Variants in PRDM5 observed in about 807,000 individuals in gnomAD.
PRDM5 encodes the protein PR/SET domain 5.
PRDM5 carries 56 observed loss-of-function variants against 81.2 expected under a neutral mutation model. That is an observed-to-expected ratio of 0.69 (90% CI 0.56 to 0.86). The LOEUF is 0.86. Ranked by LOEUF, PRDM5 falls within the 40% of genes least tolerant of loss-of-function variation. PRDM5 has a pLI of 0.00. For synonymous variants in PRDM5, 267 were observed against 256.4 expected (o/e 1.04, Z -0.39); for missense variants, 697 against 770.1 (o/e 0.91, Z 1.12).
rs78289507 is a variant in PRDM5, at chr4:120,825,207, T to C, written c.301-3862A>G. Among the ~76,000 whole-genome samples, 69 of 152,300 alleles carry C rather than the reference T, an allele frequency of 4.5e-4. 5 individuals are homozygous for C. In the East Asian group the frequency reaches 0.013, roughly 29 times the overall value. On this transcript the variant is annotated intron_variant, in intron 3 of 15. Transcript: ENST00000264808. ...AAATAGTAGTGCCTATCTCATAGGA[T>C]GGCTGTGAAGATTAAAGATGGTAAT...
At chr4:120,841,075 T>C (rs1486678478) in intron 3 of PRDM5, among the ~76,000 whole-genome samples, 3 of 152,190 alleles carry the variant, frequency 2.0e-5, no homozygotes, top group Non-Finnish European at 4.4e-5. Flanking sequence ...TACCTATCCT[T>C]GTGTTTTTTA....
intron 14 of PRDM5, among the ~76,000 whole-genome samples, chr4:120,752,744 C>T (rs1234835989): frequency 6.6e-6 from 1 of 152,126 alleles, no homozygotes; most frequent in Non-Finnish European, 1.5e-5. Context: ...AGGTTCAAAT[C>T]TCAACTCTGC....
At chr4:120,704,139 C>T (rs1735777239) in intron 15 of PRDM5, among the ~76,000 whole-genome samples, 1 of 152,134 alleles carries the variant, frequency 6.6e-6, no homozygotes, top group Non-Finnish European at 1.5e-5. Flanking sequence ...AAGCTCCACA[C>T]TAGGGATGAG....
In PRDM5 at chr4:120,793,427, G is replaced by A. The variant is rs191703831; in HGVS notation, c.1188+4840C>T. Among the ~76,000 whole-genome samples the A allele has an allele frequency of 2.3e-3, 357 of 152,234 alleles. 2 individuals carry two copies. Among genetic ancestry groups the A allele is most frequent in the Admixed American group, 4.6e-3 (70 of 15,286 alleles). ...TATATTTTACAATGTAATAATAATA[G>A]AAATAAAGTGCATAATAAATATGAT... is the stretch of plus-strand genomic sequence containing the variant. On this transcript the variant is annotated intron_variant, in intron 10 of 15. Coordinates refer to ENST00000264808, the MANE Select transcript of PRDM5 (RefSeq NM_018699.4).
intron 11 of PRDM5, among the ~76,000 whole-genome samples, chr4:120,781,678 C>T (rs184791938): frequency 3.3e-5 from 5 of 152,236 alleles, no homozygotes; most frequent in Admixed American, 3.3e-4. Context: ...GGGCCCCTCC[C>T]AAAGTTCCCT....
chr4:120,768,609 C>T (rs1746755098), intron 13 of PRDM5, among the ~76,000 whole-genome samples: 1 of 152,170 alleles, frequency 6.6e-6, no homozygotes, highest in Non-Finnish European at 1.5e-5. Context: ...ATTTGCTACA[C>T]AACTGCAAAA....
chr4:120,892,694 G>T (rs894663849), intron 2 of PRDM5, among the ~76,000 whole-genome samples: 3 of 151,474 alleles, frequency 2.0e-5, no homozygotes, highest in Non-Finnish European at 2.9e-5. Flanking sequence ...GAGAGGTGGA[G>T]GAGGGTGAAG....
chr4:120,902,590 A>T (rs1056167295), intron 2 of PRDM5, among the ~76,000 whole-genome samples: 2 of 152,244 alleles, frequency 1.3e-5, no homozygotes, highest in Non-Finnish European at 2.9e-5. Context: ...AAGCATTTAC[A>T]GTCAAACACT....
Position 120,781,288 on chromosome 4 carries a change from T to C in PRDM5, c.1298A>G (p.Lys433Arg), listed in dbSNP as rs763891674. ...LLIHNSERTF[K>R]CHHCDATFKR... ...AAAGGTAGCATCGCAGTGATGGCACTTGAAAGTCCTCTCACCTTAGAAACA... is the reference window on the plus strand; with the variant it reads ...AAAGGTAGCATCGCAGTGATGGCACCTGAAAGTCCTCTCACCTTAGAAACA... The change falls in exon 12 of 16, where the codon AAG becomes AGG. Residue 433 changes from lysine to arginine, a missense_variant. Around this residue, in one of 3 missense-constraint regions of PRDM5, gnomAD observed 577 missense variants for 606.7 expected, o/e 0.95. Coordinates refer to ENST00000264808, the MANE Select transcript of PRDM5 (RefSeq NM_018699.4). 3 of 1,613,034 alleles carry C rather than the reference T, an allele frequency of 1.9e-6. No individual in the cohort carries two copies. In the East Asian group the frequency reaches 6.7e-5, roughly 36 times the overall value.
At chr4:120,911,546 T>C (rs1766510428) in intron 1 of PRDM5, among the ~76,000 whole-genome samples, 1 of 152,230 alleles carries the variant, frequency 6.6e-6, no homozygotes, top group Admixed American at 6.5e-5. Flanking sequence ...AAAAACTGTA[T>C]GATTGCAAAA....
intron 2 of PRDM5, among the ~76,000 whole-genome samples, chr4:120,863,482 T>G (rs903045569): frequency 1.3e-5 from 2 of 152,130 alleles, no homozygotes; most frequent in Non-Finnish European, 2.9e-5. Context: ...TAGTTCCATG[T>G]GCTGAAAATG....
chr4:120,813,245 C>A (rs952277640), intron 7 of PRDM5, among the ~76,000 whole-genome samples: 4 of 152,040 alleles, frequency 2.6e-5, no homozygotes, highest in African/African-American at 9.7e-5. Context: ...ATATCAAATG[C>A]ACCACAATGA....
chr4:120,743,418 C>T (rs1742419154), intron 14 of PRDM5, among the ~76,000 whole-genome samples: 1 of 149,874 alleles, frequency 6.7e-6, no homozygotes, highest in African/African-American at 2.5e-5. Context: ...GGATCAAATT[C>T]ACACATAACA....
chr4:120,859,699 G>A (rs192295675), intron 2 of PRDM5, among the ~76,000 whole-genome samples: 446 of 152,240 alleles, frequency 2.9e-3, no homozygotes, highest in Non-Finnish European at 4.8e-3. Flanking sequence ...ACTTTCTTAT[G>A]CCAAACTGAA....
rs1049430664 is a variant in PRDM5 at position 120,811,069 on chromosome 4, G to A, written c.945+301C>T. On this transcript the variant is annotated intron_variant, in intron 8 of 15. Transcript: ENST00000264808. ...GAAAATATCTCATGCTCATAGCTAT[G>A]CTAAAAGAAACAATATGTGAAATTA... Among the ~76,000 whole-genome samples, 46 of 151,938 alleles carry A rather than the reference G, an allele frequency of 3.0e-4. 1 individual carries two copies. Among genetic ancestry groups the A allele is most frequent in the Admixed American group, 2.3e-3 (35 of 15,262 alleles).
At chr4:120,868,147 A>G (rs1419099892) in intron 2 of PRDM5, among the ~76,000 whole-genome samples, 1 of 152,212 alleles carries the variant, frequency 6.6e-6, no homozygotes, top group Non-Finnish European at 1.5e-5. Context: ...AAATATCTAT[A>G]GTTCTTGGGC....
chr4:120,841,482 G>C (rs57805313), intron 3 of PRDM5, among the ~76,000 whole-genome samples: 2 of 152,274 alleles, frequency 1.3e-5, no homozygotes, highest in East Asian at 1.9e-4. Context: ...ACTGTTTTGT[G>C]TTGTATCCAT....
At chr4:120,696,881 G>A (rs1166509421) in intron 15 of PRDM5, among the ~76,000 whole-genome samples, 1 of 152,086 alleles carries the variant, frequency 6.6e-6, no homozygotes, top group Admixed American at 6.6e-5. Context: ...ACAATAAAAT[G>A]CAGCCAATTT....
At chr4:120,840,434 GGCAGCCCCAC>G (rs1757893097) in intron 3 of PRDM5, among the ~76,000 whole-genome samples, 1 of 152,008 alleles carries the variant, frequency 6.6e-6, no homozygotes, top group Admixed American at 6.5e-5. Flanking sequence ...CATGGCCCTG[GGCAGCCCCAC>G]GCAGAGCCTC....
Sources: allele counts gnomAD v4.1 joint callset (sites outside exome capture counted in the v4.1 genomes callset), GRCh38; gene constraint gnomAD v4.1.1; regional missense constraint gnomAD v4.1.1; transcripts MANE v1.5; gene names NCBI Gene and HGNC (gene_info 2026-07-23, HGNC 2026-07-21).